Variants in PDE3A observed in about 807,000 individuals in gnomAD.
The protein encoded by PDE3A is cGMP-inhibited 3',5'-cyclic phosphodiesterase 3A.
Under a neutral mutation model 98.3 loss-of-function variants are expected in PDE3A, and 43 were observed. That is an observed-to-expected ratio of 0.44 (90% CI 0.34 to 0.56). The LOEUF (loss-of-function observed/expected upper bound fraction) is 0.56. Ranked by LOEUF, PDE3A falls within the 20% of genes least tolerant of loss-of-function variation. The pLI is 0.01. For synonymous variants in PDE3A, 663 were observed against 567.9 expected (o/e 1.17, Z -2.38); for missense variants, 1,427 against 1,440.7 (o/e 0.99, Z 0.15).
At chr12:20,523,360 A>C in intron 1 of PDE3A, among the ~76,000 whole-genome samples, 1 of 152,158 alleles carries the variant, frequency 6.6e-6, no homozygotes, top group East Asian at 1.9e-4. Flanking sequence ...AACTTAGAGA[A>C]TATGCAGAGA....
At chr12:20,637,478 G>A (rs1482103873) in intron 9 of PDE3A, among the ~76,000 whole-genome samples, 1 of 149,766 alleles carries the variant, frequency 6.7e-6, no homozygotes, top group South Asian at 2.1e-4. Context: ...AGTAGGTGGG[G>A]ATAGAGATAT....
chr12:20,541,075 C>CTTTTTTTTTTTT (rs777927679), intron 1 of PDE3A, among the ~76,000 whole-genome samples: 2 of 52,986 alleles, frequency 3.8e-5, no homozygotes, highest in Non-Finnish European at 7.0e-5. Flanking sequence ...TGGTAACTTT[C>CTTTTTTTTTTTT]TTTTTTTTTT....
chr12:20,655,237 G>T (rs1333661448), intron 15 of PDE3A, among the ~76,000 whole-genome samples: 1 of 152,132 alleles, frequency 6.6e-6, no homozygotes, highest in East Asian at 1.9e-4. Context: ...CCAGGGATAG[G>T]AAAGATGTAA....
At chr12:20,387,106 T>G (rs1157430027) in intron 1 of PDE3A, among the ~76,000 whole-genome samples, 1 of 151,910 alleles carries the variant, frequency 6.6e-6, no homozygotes, top group Non-Finnish European at 1.5e-5. Context: ...TATTTCTGAG[T>G]TCTGTATTGG....
At chr12:20,504,784 C>G (rs1946085262) in intron 1 of PDE3A, among the ~76,000 whole-genome samples, 2 of 151,952 alleles carry the variant, frequency 1.3e-5, no homozygotes, top group Non-Finnish European at 2.9e-5. Flanking sequence ...TAACTCTGGC[C>G]CTCCTGCCTC....
chr12:20,493,780 G>A (rs777097810), intron 1 of PDE3A, among the ~76,000 whole-genome samples: 5 of 152,116 alleles, frequency 3.3e-5, no homozygotes, highest in Non-Finnish European at 2.9e-5. Flanking sequence ...ACAGGCATGC[G>A]CCACCAAGCC....
intron 1 of PDE3A, among the ~76,000 whole-genome samples, chr12:20,540,295 G>A (rs537053625): frequency 6.6e-6 from 1 of 152,150 alleles, no homozygotes; most frequent in African/African-American, 2.4e-5. Context: ...TCTAATGAAC[G>A]CTGAAATATG....
intron 1 of PDE3A, among the ~76,000 whole-genome samples, chr12:20,431,599 A>ACG (rs1323513243): frequency 4.9e-5 from 7 of 142,456 alleles, no homozygotes; most frequent in Non-Finnish European, 1.1e-4. Context: ...AGGAAAACAC[A>ACG]CACACACACA....
chr12:20,615,048 G>GTCTT (rs1157718443), intron 3 of PDE3A, among the ~76,000 whole-genome samples: 8 of 95,086 alleles, frequency 8.4e-5, no homozygotes, highest in Non-Finnish European at 1.3e-4. Context: ...TTGAGACGGA[G>GTCTT]TCTTACTCTG....
intron 1 of PDE3A, among the ~76,000 whole-genome samples, chr12:20,467,871 G>GT (rs199760095): frequency 0.012 from 1,680 of 143,568 alleles, 31 homozygotes; most frequent in African/African-American, 0.042. Flanking sequence ...GGAGGCGGAG[G>GT]TTGCAGTGAG....
chr12:20,581,805 G>A (rs1467408969), intron 2 of PDE3A, among the ~76,000 whole-genome samples: 1 of 151,476 alleles, frequency 6.6e-6, no homozygotes, highest in African/African-American at 2.4e-5. Flanking sequence ...GTAGAGACGG[G>A]GTTTCACCGT....
intron 1 of PDE3A, among the ~76,000 whole-genome samples, chr12:20,475,748 G>A (rs377559080): frequency 6.6e-6 from 1 of 151,958 alleles, no homozygotes; most frequent in Admixed American, 6.6e-5. Context: ...CACAATCTTG[G>A]TATGTAATGA....
chr12:20,599,473 C>T (rs1172492595), intron 2 of PDE3A, among the ~76,000 whole-genome samples: 1 of 152,188 alleles, frequency 6.6e-6, no homozygotes, highest in African/African-American at 2.4e-5. Flanking sequence ...ACATTGCCCA[C>T]ATCACGTTTT....
At chr12:20,499,052 T>TA (rs1308675468) in intron 1 of PDE3A, among the ~76,000 whole-genome samples, 1 of 152,256 alleles carries the variant, frequency 6.6e-6, no homozygotes, top group Non-Finnish European at 1.5e-5. Context: ...AAGTAAGGAT[T>TA]AAAAAATTAT....
At position 20,613,503 on chromosome 12, in the gene PDE3A, A is replaced by T. The variant is rs1346275906; in HGVS notation, c.1072A>T (p.Thr358Ser). 1.2e-6 allele frequency: 2 copies of T among 1,614,056 alleles called. No individual in the cohort carries two copies. Among genetic ancestry groups the T allele is most frequent in the African/African-American group, 1.3e-5 (1 of 75,060 alleles). The change falls in exon 3 of 16, where the codon ACC becomes TCC. Residue 358 changes from threonine (T) to serine (S), a missense_variant. Thr to Ser is a moderately conservative substitution (Grantham distance 58). Coordinates refer to ENST00000359062, the MANE Select transcript of PDE3A (RefSeq NM_000921.5). ...AVMGEAHGLI[T>S]DLLADPSLPP... is the part of the protein sequence containing the mutation. ...CATGGGCGAGGCCCACGGCCTCATT[A>T]CCGACCTCCTGGCAGACCCTTCTCT...
intron 1 of PDE3A, among the ~76,000 whole-genome samples, chr12:20,494,301 G>A (rs1482321367): frequency 1.3e-5 from 2 of 152,160 alleles, no homozygotes; most frequent in African/African-American, 4.8e-5. Context: ...TATTGAAGAA[G>A]AGCTTTTAAA....
chr12:20,485,929 C>G (rs1341884752), intron 1 of PDE3A, among the ~76,000 whole-genome samples: 1 of 152,128 alleles, frequency 6.6e-6, no homozygotes, highest in African/African-American at 2.4e-5. Flanking sequence ...GTGGCCTGAC[C>G]AACAAGACTA....
intron 3 of PDE3A, among the ~76,000 whole-genome samples, chr12:20,615,213 T>G (rs535677238): frequency 6.6e-6 from 1 of 152,148 alleles, no homozygotes; most frequent in East Asian, 1.9e-4. Flanking sequence ...CCAGTTTAAC[T>G]TTTAAGGTCA....
At chr12:20,615,984 A>G (rs542023547) in intron 3 of PDE3A, among the ~76,000 whole-genome samples, 12 of 152,282 alleles carry the variant, frequency 7.9e-5, no homozygotes, top group Admixed American at 2.6e-4. Flanking sequence ...TTGGCCTCCC[A>G]AAGTGCTGGA....
Sources: allele counts gnomAD v4.1 joint callset (sites outside exome capture counted in the v4.1 genomes callset), GRCh38; gene constraint gnomAD v4.1.1; transcripts MANE v1.5; gene names NCBI Gene and HGNC (gene_info 2026-07-23, HGNC 2026-07-21).